Variants in RASAL2 observed in about 807,000 individuals in gnomAD.
RASAL2 encodes the protein ras GTPase-activating protein nGAP.
A neutral mutation model predicts 128.9 loss-of-function variants in RASAL2; 58 were observed. The ratio of observed to expected loss-of-function variants is 0.45; its 90% CI spans 0.36 to 0.56. RASAL2 has a LOEUF of 0.56. RASAL2 is among the 20% of genes least tolerant of loss of function. RASAL2 has a pLI of 0.00. For synonymous variants in RASAL2, 561 were observed against 580.8 expected (o/e 0.97, Z 0.49); for missense variants, 1,360 against 1,601.6 (o/e 0.85, Z 2.57).
chr1:178,456,649 T>C (rs1397568817), intron 12 of RASAL2, 72 bp from the exon 13 acceptor site: 2 of 1,537,906 alleles, frequency 1.3e-6, no homozygotes, highest in East Asian at 2.2e-5. Context: ...TGGCCATCGT[T>C]GTGCCAAAAA....
At chr1:178,269,877 G>A (rs540832787) in intron 1 of RASAL2, among the ~76,000 whole-genome samples, 3 of 152,098 alleles carry the variant, frequency 2.0e-5, no homozygotes, top group Admixed American at 6.5e-5. Flanking sequence ...TCTTTATTGC[G>A]TGAGATCCAA....
chr1:178,472,466 C>T lies in RASAL2; in HGVS notation c.3679-609C>T, dbSNP rs561129309. Among the ~76,000 whole-genome samples the T allele has an allele frequency of 6.6e-5, 10 of 152,270 alleles. No individual in the cohort carries two copies. In the South Asian group the frequency reaches 1.7e-3, roughly 25 times the overall value. On this transcript the variant is annotated intron_variant, in intron 17 of 17. Coordinates refer to ENST00000367649, the MANE Select transcript of RASAL2 (RefSeq NM_170692.4). ...GGCATTCCCTTTTCGGCACATCTCC[C>T]TCCCCATATTCAAGTAACTCCTTGG...
chr1:178,377,138 T>G (rs183846166), intron 3 of RASAL2, among the ~76,000 whole-genome samples: 12 of 152,258 alleles, frequency 7.9e-5, no homozygotes, highest in African/African-American at 2.4e-4. Flanking sequence ...AATAATGTAA[T>G]TTTGACAAAT....
chr1:178,335,662 G>T (rs1454588583), intron 3 of RASAL2, among the ~76,000 whole-genome samples: 2 of 152,150 alleles, frequency 1.3e-5, no homozygotes, highest in Non-Finnish European at 2.9e-5. Context: ...TCATTTTCAA[G>T]TCAGGAGCTG....
chr1:178,288,636 C>T (rs1419229066), intron 2 of RASAL2, among the ~76,000 whole-genome samples: 2 of 138,590 alleles, frequency 1.4e-5, no homozygotes, highest in Non-Finnish European at 3.0e-5. Flanking sequence ...GCTATTCTTT[C>T]TCTCTCTTTT....
rs201500043 is a variant in RASAL2 at position 178,146,068 on chromosome 1, T to C, written c.202+51374T>C. 2.6e-5 allele frequency among the ~76,000 whole-genome samples: 4 copies of C among 152,258 alleles called. No homozygotes were observed. The East Asian group carries it at 7.7e-4, about 29-fold the overall frequency. ...TGAGAGAAGTAATAGTTTTTGTTTC[T>C]ACTGAGATATGATAGGTAATTCTGC... is the stretch of plus-strand genomic sequence containing the variant. On this transcript the variant is annotated intron_variant, in intron 1 of 17. Transcript: ENST00000367649.
intron 1 of RASAL2, among the ~76,000 whole-genome samples, chr1:178,178,502 A>G (rs1320751583): frequency 1.3e-5 from 2 of 152,180 alleles, no homozygotes; most frequent in African/African-American, 4.8e-5. Context: ...TTTATTACAC[A>G]TAAATTATAG....
At chr1:178,360,771 G>A (rs575189005) in intron 3 of RASAL2, among the ~76,000 whole-genome samples, 3 of 152,312 alleles carry the variant, frequency 2.0e-5, no homozygotes, top group East Asian at 3.9e-4. Context: ...CTGTGAGAAC[G>A]AATCTGTTGC....
chr1:178,283,586 C>T lies in RASAL2; in HGVS notation c.225C>T (p.His75=). 6.2e-7 allele frequency: 1 copy of T among 1,613,606 alleles called. No homozygotes were observed. The highest frequency in any genetic ancestry group is 8.5e-7 in the Non-Finnish European group (1 of 1,179,844). ...CAGATGTGAAAGGACCACCCACCCA[C>T]CGTCTGTCTTGTGGTCAGTCACCCT... ...RVYDVKGPPT[H]RLSCGQSPYT... The change falls in exon 2 of 18, where the codon CAC becomes CAT. Residue 75 remains histidine (H), a synonymous_variant. Transcript: ENST00000367649.
chr1:178,117,918 ACTTTGGGAGGCCAAGAT>A (rs753209632), intron 1 of RASAL2, among the ~76,000 whole-genome samples: 67 of 152,310 alleles, frequency 4.4e-4, no homozygotes, highest in Non-Finnish European at 8.7e-4. Flanking sequence ...TAATCCCAGC[ACTTTGGGAGGCCAAGAT>A]GGGTGGATCA....
rs71297900 is a variant in RASAL2, at chr1:178,141,193, C to CTTTTTTTTTTTTTTTTTT, written c.202+46507_202+46524dup. Among the ~76,000 whole-genome samples the CTTTTTTTTTTTTTTTTTT allele has an allele frequency of 7.8e-4, 58 of 73,926 alleles. 1 individual carries two copies. Among genetic ancestry groups the CTTTTTTTTTTTTTTTTTT allele is most frequent in the Non-Finnish European group, 9.2e-4 (39 of 42,184 alleles). 48.5% of individuals were successfully genotyped at this position (73,926 alleles called of 152,430 possible). Reference sequence around the variant, plus strand: ...CTGGAGACCACTTTTCTTTTCTTTTCTTTTTTTTTTTTTTTTTTTTTTTTT... The same window carrying CTTTTTTTTTTTTTTTTTT: ...CTGGAGACCACTTTTCTTTTCTTTTCTTTTTTTTTTTTTTTTTTTTTTTTTTTTTTTTTTTTTTTTTTT... On this transcript the variant is annotated intron_variant, in intron 1 of 17. Coordinates refer to ENST00000367649, the MANE Select transcript of RASAL2 (RefSeq NM_170692.4).
intron 17 of RASAL2, among the ~76,000 whole-genome samples, chr1:178,471,732 G>GGT (rs2102969765): frequency 6.6e-6 from 1 of 152,170 alleles, no homozygotes; most frequent in Admixed American, 6.5e-5. Flanking sequence ...TTGATGCCAT[G>GGT]GTGGTATGTG....
intron 1 of RASAL2, among the ~76,000 whole-genome samples, chr1:178,275,558 T>C (rs1159843971): frequency 1.3e-5 from 2 of 152,228 alleles, no homozygotes; most frequent in African/African-American, 4.8e-5. Flanking sequence ...AGCTCTTCTA[T>C]AGAGAAGTGT....
rs534893694 is a variant in RASAL2, at chr1:178,193,760, G to A, written c.203-89804G>A. Among the ~76,000 whole-genome samples the A allele has an allele frequency of 2.9e-4, 40 of 137,650 alleles. 2 individuals carry two copies. The South Asian group carries it at 1.0e-2, about 34-fold the overall frequency. 90.3% of individuals were successfully genotyped at this position (137,650 alleles called of 152,430 possible). On this transcript the variant is annotated intron_variant, in intron 1 of 17. Coordinates refer to ENST00000367649, the MANE Select transcript of RASAL2 (RefSeq NM_170692.4). ...ATGAAACTTAAACATAATTTACCAC[G>A]AGTACTTGACACAAAGAATTTTTTT...
chr1:178,363,051 A>C (rs998715471), intron 3 of RASAL2, among the ~76,000 whole-genome samples: 3 of 152,078 alleles, frequency 2.0e-5, no homozygotes, highest in African/African-American at 7.2e-5. Flanking sequence ...GGGTCATATT[A>C]CTAGTTCTAT....
chr1:178,127,059 G>A (rs534831851), intron 1 of RASAL2, among the ~76,000 whole-genome samples: 14 of 152,032 alleles, frequency 9.2e-5, no homozygotes, highest in African/African-American at 2.4e-4. Context: ...AGCTTATTTC[G>A]CCTCAGTCAT....
intron 3 of RASAL2, among the ~76,000 whole-genome samples, chr1:178,309,307 T>C (rs968808415): frequency 2.0e-5 from 3 of 152,168 alleles, no homozygotes; most frequent in Admixed American, 6.6e-5. Context: ...GACTACTGTC[T>C]ATAAGAAAGC....
At chr1:178,187,029 TGTTGCCCAG>T (rs2101940270) in intron 1 of RASAL2, among the ~76,000 whole-genome samples, 1 of 152,218 alleles carries the variant, frequency 6.6e-6, no homozygotes, top group South Asian at 2.1e-4. Context: ...AGGGTCTCTG[TGTTGCCCAG>T]GTTGGTCTCG....
intron 3 of RASAL2, among the ~76,000 whole-genome samples, chr1:178,320,784 G>T (rs1471748985): frequency 6.6e-6 from 1 of 152,176 alleles, no homozygotes; most frequent in Non-Finnish European, 1.5e-5. Flanking sequence ...CTGTAGACCG[G>T]AGCTGTTCCT....
Sources: allele counts gnomAD v4.1 joint callset (sites outside exome capture counted in the v4.1 genomes callset), GRCh38; gene constraint gnomAD v4.1.1; transcripts MANE v1.5; gene names NCBI Gene and HGNC (gene_info 2026-07-23, HGNC 2026-07-21).